SLC7A6: variants seen among roughly 807,000 people sequenced by gnomAD.
SLC7A6 encodes Y+L amino acid transporter 2.
SLC7A6 carries 29 observed loss-of-function variants against 46.6 expected under a neutral mutation model. The ratio of observed to expected loss-of-function variants is 0.62; its 90% confidence interval spans 0.46 to 0.85. The LOEUF is 0.85. Among genes scored for constraint, SLC7A6 ranks in the 40% least tolerant of loss-of-function variants. The pLI, the probability that SLC7A6 is intolerant of heterozygous loss-of-function variation, is 0.00. For missense variants in SLC7A6, 527 were observed against 647.6 expected (o/e 0.81, Z 2.02); for synonymous variants, 276 against 257.3 (o/e 1.07, Z -0.70).
At chr16:68,282,842 A>G (rs571797641) in intron 3 of SLC7A6, among the ~76,000 whole-genome samples, 1 of 152,064 alleles carries the variant, frequency 6.6e-6, no homozygotes, top group African/African-American at 2.4e-5. Context: ...CTAGTCTCAA[A>G]CCCTTGACCT....
chr16:68,275,321 C>T (rs967802620), intron 3 of SLC7A6, 72 bp downstream of exon 3: 23 of 1,539,486 alleles, frequency 1.5e-5, no homozygotes, highest in African/African-American at 5.4e-5. Context: ...TTAGGCCGGG[C>T]GCGGTGGCTC....
At chr16:68,294,682 T>C (rs2043126397) in intron 7 of SLC7A6, 23 bp from the exon 8 acceptor site, 1 of 1,532,164 alleles carries the variant, frequency 6.5e-7, no homozygotes, top group African/African-American at 1.4e-5. Flanking sequence ...AGGATCCTGC[T>C]GACACATTTC....
chr16:68,284,054 G>A (rs1306608845), intron 3 of SLC7A6, among the ~76,000 whole-genome samples: 2 of 151,962 alleles, frequency 1.3e-5, no homozygotes, highest in African/African-American at 2.4e-5. Flanking sequence ...GTAGGGTGAG[G>A]CAAACGAGGT....
intron 3 of SLC7A6, among the ~76,000 whole-genome samples, chr16:68,281,643 GA>G (rs1433229712): frequency 2.0e-5 from 3 of 152,190 alleles, no homozygotes; most frequent in Non-Finnish European, 4.4e-5. Context: ...GTTGGTTCTT[GA>G]GGTAGGTACA....
At chr16:68,282,071 T>G (rs553555648) in intron 3 of SLC7A6, among the ~76,000 whole-genome samples, 56 of 152,290 alleles carry the variant, frequency 3.7e-4, no homozygotes, top group African/African-American at 1.3e-3. Flanking sequence ...TCCTGCTCTC[T>G]TGGACCCAGG....
rs541171237 is a variant in SLC7A6, at chr16:68,297,336, A to T, written c.*8A>T. The T allele has an allele frequency of 2.0e-5, 32 of 1,613,628 alleles. No individual in the cohort carries two copies. The East Asian group carries it at 7.1e-4, about 36-fold the overall frequency. ...GAGAGGAAAACTGACTAGAGGTCAG[A>T]GGTGGCTTTCTGAGGCCTGGAAGGC... On this transcript the variant is annotated 3_prime_UTR_variant, in exon 11 of 11. Coordinates refer to ENST00000219343, the MANE Select transcript of SLC7A6 (RefSeq NM_003983.6).
At chr16:68,291,771 G>GTGTGTT in intron 7 of SLC7A6, 110 bp downstream of exon 7, 1 of 626,066 alleles carries the variant, frequency 1.6e-6, no homozygotes, top group East Asian at 2.7e-5. Flanking sequence ...GGGTGTGTGT[G>GTGTGTT]TGTGTGTGTG....
chr16:68,277,636 A>C (rs907209686), intron 3 of SLC7A6, among the ~76,000 whole-genome samples: 1 of 147,640 alleles, frequency 6.8e-6, no homozygotes, highest in East Asian at 2.0e-4. Context: ...ATTAAAAAAA[A>C]TTTTTTTTGA....
Position 68,301,300 on chromosome 16 carries a change from C to CT in SLC7A6, c.*3973dup. On this transcript the variant is annotated 3_prime_UTR_variant, in exon 11 of 11. Coordinates refer to ENST00000219343, the MANE Select transcript of SLC7A6 (RefSeq NM_003983.6). ...TCAGTCTGAATCCAGGTCGTGGGGG[C>CT]TGTCATAGCCGAACTCCTTCTGCAC... 6.2e-7 allele frequency: 1 copy of CT among 1,614,068 alleles called. No individual in the cohort carries two copies. The highest frequency in any genetic ancestry group is 8.5e-7 in the Non-Finnish European group (1 of 1,179,940).
chr16:68,265,343 C>T (rs2042511105), intron 1 of SLC7A6, among the ~76,000 whole-genome samples: 1 of 152,138 alleles, frequency 6.6e-6, no homozygotes, highest in Non-Finnish European at 1.5e-5. Flanking sequence ...CTTTGCTGGG[C>T]TCTAAGCAAA....
intron 1 of SLC7A6, 115 bp from the exon 2 acceptor site, chr16:68,266,478 T>C (rs993320043): frequency 7.9e-5 from 12 of 152,176 alleles, no homozygotes; most frequent in African/African-American, 2.9e-4. Flanking sequence ...GAAATATCAT[T>C]CTGCTGCTTT....
chr16:68,277,819 G>T (rs1484426168), intron 3 of SLC7A6, among the ~76,000 whole-genome samples: 1 of 151,440 alleles, frequency 6.6e-6, no homozygotes, highest in Non-Finnish European at 1.5e-5. Context: ...TAGAGACAGG[G>T]TTTCTCCATG....
rs761489457 is a variant in SLC7A6, at chr16:68,287,885, AG to A, written c.649+20del. 24 of 1,611,952 alleles carry A rather than the reference AG, an allele frequency of 1.5e-5. No homozygotes were observed. The highest frequency in any genetic ancestry group is 1.7e-4 in the Middle Eastern group (1 of 5,960). ...AACTGTGCCAGGGTAAGTGGTGGGA[AG>A]GGGGGTACCACCAACAGTTCCTCTG... is the stretch of plus-strand genomic sequence containing the variant. On this transcript the variant is annotated intron_variant, in intron 4 of 10. Coordinates refer to ENST00000219343, the MANE Select transcript of SLC7A6 (RefSeq NM_003983.6).
At chr16:68,277,473 G>T (rs971399892) in intron 3 of SLC7A6, among the ~76,000 whole-genome samples, 3 of 151,142 alleles carry the variant, frequency 2.0e-5, no homozygotes, top group Non-Finnish European at 4.4e-5. Context: ...CACCGTGCCC[G>T]GCTAATTTTT....
At position 68,297,250 on chromosome 16, in the gene SLC7A6, C is replaced by T. The variant is rs1034591901; in HGVS notation, c.1470C>T (p.Gly490=). 19 of 1,613,942 alleles carry T rather than the reference C, an allele frequency of 1.2e-5. No homozygotes were observed. The highest frequency in any genetic ancestry group is 4.2e-6 in the Non-Finnish European group (5 of 1,179,952). The stretch of plus-strand genomic sequence containing the variant: ...TTCATTTAGCTGCTATCACCAGAGG[C>T]ACCCAGCAGCTTTGCTTTTGTGTCC... ...IRNVLAAITR[G]TQQLCFCVLT... The change falls in exon 11 of 11, where the codon GGC becomes GGT. Residue 490 remains glycine, a synonymous_variant. Transcript: ENST00000219343.
Position 68,300,154 on chromosome 16 carries a change from G to A in SLC7A6, c.*2826G>A, listed in dbSNP as rs1291892753. 6.6e-6 allele frequency: 1 copy of A among 152,182 alleles called. No individual in the cohort carries two copies. Among genetic ancestry groups the A allele is most frequent in the African/African-American group, 2.4e-5 (1 of 41,440 alleles). 9.4% of individuals were successfully genotyped at this position (152,182 alleles called of 1,614,324 possible). On this transcript the variant is annotated 3_prime_UTR_variant, in exon 11 of 11. Coordinates refer to ENST00000219343, the MANE Select transcript of SLC7A6 (RefSeq NM_003983.6). ...GTCCGCTGCAACAGCTACTAGCCAC[G>A]TGTAGCTAATTACATTAAAATGAAA...
chr16:68,296,867 AGGT>A, intron 10 of SLC7A6, 57 bp downstream of exon 10: 1 of 1,576,402 alleles, frequency 6.3e-7, no homozygotes, highest in Non-Finnish European at 8.6e-7. Flanking sequence ...GCGCATGCAG[AGGT>A]GGGGGGTGGC....
intron 9 of SLC7A6, 38 bp from the exon 10 acceptor site, chr16:68,296,589 T>C: frequency 6.2e-7 from 1 of 1,613,704 alleles, no homozygotes; most frequent in Non-Finnish European, 8.5e-7. Flanking sequence ...CTGTTTCCTC[T>C]TCCCACGTTA....
rs1331039703 is a variant in SLC7A6, at chr16:68,299,968, T to C, written c.*2640T>C. 2 of 152,072 alleles carry C rather than the reference T, an allele frequency of 1.3e-5. No individual in the cohort carries two copies. Among genetic ancestry groups the C allele is most frequent in the African/African-American group, 4.8e-5 (2 of 41,368 alleles). The allele number at this position is 152,072 out of a possible 1,614,324, so 9.4% of individuals were successfully genotyped here. ...CATAAAGTCAAAGAATGATGGCAGG[T>C]AGGATGAAGGAGAGATACTTAGGAA... On this transcript the variant is annotated 3_prime_UTR_variant, in exon 11 of 11. Coordinates refer to ENST00000219343, the MANE Select transcript of SLC7A6 (RefSeq NM_003983.6).
Sources: gnomAD v4.1 joint callset for allele counts (sites outside exome capture counted in the v4.1 genomes callset) on GRCh38, gnomAD v4.1.1 for gene constraint, MANE v1.5 for transcripts, NCBI Gene and HGNC (gene_info 2026-07-23, HGNC 2026-07-21) for gene names.